LINGO1: variants seen among roughly 807,000 people sequenced by gnomAD.
LINGO1 encodes leucine rich repeat and Ig domain containing 1, also known as leucine-rich repeat and immunoglobulin-like domain-containing nogo receptor-interacting protein 1.
Under a neutral mutation model 37.3 loss-of-function variants are expected in LINGO1, and 11 were observed. That is an observed-to-expected ratio of 0.29 (90% confidence interval 0.19 to 0.49). The LOEUF (loss-of-function observed/expected upper bound fraction) is 0.49. LINGO1 is among the 20% of genes least tolerant of loss of function. The pLI is 0.99. For missense variants in LINGO1, 585 were observed against 878.2 expected, an observed-to-expected ratio of 0.67 and a Z score of 4.22; for synonymous variants, 387 against 403.0, an observed-to-expected ratio of 0.96 and a Z score of 0.48.
chr15:77,657,510 G>A (rs761526986), intron 3 of LINGO1, among the ~76,000 whole-genome samples: 4 of 152,124 alleles, frequency 2.6e-5, no homozygotes, highest in Non-Finnish European at 5.9e-5. Flanking sequence ...CTTCTCCCCA[G>A]ACATTCCCAT....
chr15:77,729,881 A>AT (rs2076138558), intron 2 of LINGO1, among the ~76,000 whole-genome samples: 1 of 151,914 alleles, frequency 6.6e-6, no homozygotes, highest in Non-Finnish European at 1.5e-5. Flanking sequence ...ATTGCATCCT[A>AT]TTTTCCCCTG....
intron 3 of LINGO1, among the ~76,000 whole-genome samples, chr15:77,647,580 T>C (rs942125916): frequency 6.6e-6 from 1 of 152,172 alleles, no homozygotes; most frequent in Admixed American, 6.5e-5. Flanking sequence ...AGGATCACAG[T>C]TGCCTTTGAA....
intron 1 of LINGO1, among the ~76,000 whole-genome samples, chr15:77,695,727 C>T (rs2075680160): frequency 6.6e-6 from 1 of 152,176 alleles, no homozygotes; most frequent in African/African-American, 2.4e-5. Context: ...GTCCAGCCAC[C>T]CAGGCTGCCC....
chr15:77,742,143 A>AC (rs1429387256), intron 1 of LINGO1, among the ~76,000 whole-genome samples: 4 of 152,186 alleles, frequency 2.6e-5, no homozygotes, highest in African/African-American at 9.7e-5. Flanking sequence ...GAGCTAACGG[A>AC]CCTGACTGAG....
intron 2 of LINGO1, among the ~76,000 whole-genome samples, chr15:77,719,144 T>A (rs1408838336): frequency 6.7e-6 from 1 of 149,828 alleles, no homozygotes; most frequent in African/African-American, 2.4e-5. Flanking sequence ...CAACTCTCCC[T>A]CCCAGGGGCA....
rs377370350 is a variant in LINGO1 at position 77,614,341 on chromosome 15, G to C, written c.1566C>G (p.Pro522=). ...AAGCGAAGGTCTTGTTGGGCTGATG[G>C]GGCCAGTCGGGCGAGTAGCTGCGCA... is the stretch of plus-strand genomic sequence containing the variant. The part of the protein sequence containing the change: ...LHVRSYSPDW[P]HQPNKTFAFI... Residue 522 remains proline (P), a synonymous_variant, in exon 2 of 2, where the codon CCC becomes CCG. Transcript: ENST00000355300. 6.4e-5 allele frequency: 103 copies of C among 1,613,788 alleles called. No homozygotes were observed. Among genetic ancestry groups the C allele is most frequent in the Non-Finnish European group, 7.4e-5 (87 of 1,179,908 alleles).
At chr15:77,727,094 A>T (rs891740769) in intron 2 of LINGO1, among the ~76,000 whole-genome samples, 1 of 152,256 alleles carries the variant, frequency 6.6e-6, no homozygotes, top group African/African-American at 2.4e-5. Context: ...AAGTATTTGC[A>T]AGGACATGGA....
In LINGO1 at chr15:77,784,430, G is replaced by A. The variant is rs150014167; in HGVS notation, c.-257+2439C>T. On this transcript the variant is annotated intron_variant, in intron 1 of 3. Transcript: ENST00000561686. ...AGACCCTGCCCAGCAAGCGGCTGAT[G>A]AGGGATCGTGCTGCAGGCAGCAAAG... Among the ~76,000 whole-genome samples, 450 of 152,392 alleles carry A rather than the reference G, an allele frequency of 3.0e-3. 1 individual carries two copies. The highest frequency in any genetic ancestry group is 3.7e-3 in the Non-Finnish European group (253 of 68,044).
intron 1 of LINGO1, among the ~76,000 whole-genome samples, chr15:77,815,622 G>A (rs552053909): frequency 2.6e-5 from 4 of 152,138 alleles, no homozygotes; most frequent in Admixed American, 2.6e-4. Flanking sequence ...ATTGGAGGCT[G>A]CATCTATGAC....
At chr15:77,633,280 AT>A (rs144352513), upstream of LINGO1, among the ~76,000 whole-genome samples, 30,599 of 152,010 alleles carry the variant, frequency 0.2, 6,633 homozygotes, top group African/African-American at 0.55. Context: ...GTTGTGTGTG[AT>A]TTTTGTGTTG....
At chr15:77,668,050 C>G (rs2075171398) in intron 3 of LINGO1, 1 of 152,240 alleles carries the variant, frequency 6.6e-6, no homozygotes, top group African/African-American at 2.4e-5. Context: ...GTTAACTCAT[C>G]TGATAAATGG....
At chr15:77,648,250 A>T (rs931532426) in intron 3 of LINGO1, 64 of 243,678 alleles carry the variant, frequency 2.6e-4, no homozygotes, top group South Asian at 6.0e-4. Flanking sequence ...ACTGTGCTAG[A>T]CACTTCACAT....
chr15:77,735,810 G>A (rs999027198), intron 1 of LINGO1, among the ~76,000 whole-genome samples: 1 of 152,174 alleles, frequency 6.6e-6, no homozygotes, highest in African/African-American at 2.4e-5. Context: ...AAAGTACAAA[G>A]CCCACACCCT....
intron 3 of LINGO1, chr15:77,648,113 C>A: frequency 2.8e-6 from 1 of 351,370 alleles, no homozygotes; most frequent in Non-Finnish European, 5.6e-6. Context: ...TAGCTGGGGC[C>A]CTCAGGATCA....
chr15:77,760,470 T>C (rs2076464113), intron 1 of LINGO1, among the ~76,000 whole-genome samples: 1 of 152,252 alleles, frequency 6.6e-6, no homozygotes, highest in Non-Finnish European at 1.5e-5. Context: ...TTTTGCAAAT[T>C]ACATAGGAAT....
At chr15:77,775,418 C>T (rs1462185012) in intron 1 of LINGO1, among the ~76,000 whole-genome samples, 1 of 152,198 alleles carries the variant, frequency 6.6e-6, no homozygotes, top group Admixed American at 6.5e-5. Context: ...AGGTCCCGGT[C>T]TCTCCTGCCT....
At chr15:77,752,364 T>C (rs1224491601) in intron 1 of LINGO1, among the ~76,000 whole-genome samples, 2 of 152,202 alleles carry the variant, frequency 1.3e-5, no homozygotes, top group Admixed American at 1.3e-4. Context: ...CTTTCCTTGG[T>C]GAAGACATTA....
In LINGO1 at chr15:77,765,353, T is replaced by C. The variant is rs536087576; in HGVS notation, c.-257+21516A>G. On this transcript the variant is annotated intron_variant, in intron 1 of 3. Transcript: ENST00000561686. ...TCGCTTGAACCCAGGAGGTCGAGACTGCAATGAGCCGAGACCGTGCCACTG... is the reference window on the plus strand; with the variant it reads ...TCGCTTGAACCCAGGAGGTCGAGACCGCAATGAGCCGAGACCGTGCCACTG... 6.0e-5 allele frequency among the ~76,000 whole-genome samples: 9 copies of C among 150,436 alleles called. No homozygotes were observed. The South Asian group carries it at 1.9e-3, about 32-fold the overall frequency.
At position 77,613,936 on chromosome 15, in the gene LINGO1, T is replaced by C; in HGVS notation, c.*108A>G. ...GGAGGCGGGAGGGAGAAAGAGAACG[T>C]GTGTAGAAGGGTAGGGAGGAGGTGG... On this transcript the variant is annotated 3_prime_UTR_variant, in exon 2 of 2. Transcript: ENST00000355300. 1 of 877,242 alleles carries C rather than the reference T, an allele frequency of 1.1e-6. No homozygotes were observed. Among genetic ancestry groups the C allele is most frequent in the Non-Finnish European group, 1.7e-6 (1 of 585,786 alleles). 54.3% of individuals were successfully genotyped at this position (877,242 alleles called of 1,614,324 possible).
Sources: gnomAD v4.1 joint callset for allele counts (sites outside exome capture counted in the v4.1 genomes callset) on GRCh38, gnomAD v4.1.1 for gene constraint, MANE v1.5 for transcripts, NCBI Gene and HGNC (gene_info 2026-07-23, HGNC 2026-07-21) for gene names.